The following ASIC2 variants were observed in gnomAD, a reference collection of about 807,000 sequenced individuals.
ASIC2 encodes acid sensing ion channel subunit 2.
Under a neutral mutation model 57.3 loss-of-function variants are expected in ASIC2, and 25 were observed. The observed-to-expected ratio is 0.44, with a 90% CI of 0.32 to 0.61. The LOEUF (loss-of-function observed/expected upper bound fraction) is 0.61. Among genes scored for constraint, ASIC2 ranks in the 20% least tolerant of loss-of-function variants. The pLI is 0.06. For synonymous variants in ASIC2, 319 were observed against 307.5 expected, an observed-to-expected ratio of 1.04 and a Z score of -0.39; for missense variants, 641 against 738.1, an observed-to-expected ratio of 0.87 and a Z score of 1.52.
At chr17:33,918,662 T>C (rs1915641815) in intron 1 of ASIC2, among the ~76,000 whole-genome samples, 1 of 152,208 alleles carries the variant, frequency 6.6e-6, no homozygotes. Flanking sequence ...TGCCCATTAA[T>C]AATTTTCTAG....
chr17:33,540,619 GTCACTCCTGTGAGTTCTTGGAC>G (rs1915378089), intron 1 of ASIC2, among the ~76,000 whole-genome samples: 1 of 152,234 alleles, frequency 6.6e-6, no homozygotes, highest in Admixed American at 6.5e-5. Context: ...GAGTTAGTTA[GTCACTCCTGTGAGTTCTTGGAC>G]TCACTCCTGT....
chr17:33,661,459 CT>C (rs1907263308), intron 1 of ASIC2, among the ~76,000 whole-genome samples: 1 of 152,160 alleles, frequency 6.6e-6, no homozygotes, highest in South Asian at 2.1e-4. Flanking sequence ...ACAGAGCACC[CT>C]GAAGTTGTGT....
chr17:33,478,237 T>G (rs1913292268), intron 1 of ASIC2, among the ~76,000 whole-genome samples: 1 of 152,238 alleles, frequency 6.6e-6, no homozygotes, highest in African/African-American at 2.4e-5. Flanking sequence ...CTGGCCAAAC[T>G]GTGAGAGCTC....
intron 1 of ASIC2, among the ~76,000 whole-genome samples, chr17:33,419,778 A>T (rs1414544153): frequency 6.6e-6 from 1 of 152,228 alleles, no homozygotes; most frequent in African/African-American, 2.4e-5. Context: ...ATAAAATATG[A>T]TTCATCAAAA....
chr17:33,354,131 A>G (rs1908289246), intron 1 of ASIC2, among the ~76,000 whole-genome samples: 2 of 152,192 alleles, frequency 1.3e-5, no homozygotes, highest in Admixed American at 6.5e-5. Flanking sequence ...ACATCATGGA[A>G]AAGACCTGCC....
intron 1 of ASIC2, chr17:33,932,762 AG>A (rs1915972215): frequency 3.0e-5 from 4 of 133,416 alleles, no homozygotes; most frequent in African/African-American, 1.1e-4. Flanking sequence ...ATATATATAT[AG>A]TATGATAAAT....
intron 1 of ASIC2, among the ~76,000 whole-genome samples, chr17:33,750,734 A>T (rs935602757): frequency 6.6e-6 from 1 of 152,162 alleles, no homozygotes. Flanking sequence ...TGATTGGGCT[A>T]GGGACTCAGC....
chr17:34,069,791 C>T (rs543061913), intron 1 of ASIC2: 4 of 152,288 alleles, frequency 2.6e-5, no homozygotes, highest in African/African-American at 9.6e-5. Flanking sequence ...GTTCAGGCAA[C>T]CATTTTGCAG....
rs374248044 is a variant in ASIC2, at chr17:33,737,725, T to C, written c.555+418253A>G. On this transcript the variant is annotated intron_variant, in intron 1 of 9. Coordinates refer to the ASIC2 transcript ENST00000359872. ...CAGCCATCCTTATTGAGTAGATTCC[T>C]GAACTAACAGGAAAGCGTCCACCTG... 3.6e-3 allele frequency among the ~76,000 whole-genome samples: 548 copies of C among 150,348 alleles called. 3 individuals carry two copies. The highest frequency in any genetic ancestry group is 0.013 in the African/African-American group (526 of 41,048).
chr17:33,181,835 G>A (rs555442095), intron 1 of ASIC2, among the ~76,000 whole-genome samples: 2 of 152,242 alleles, frequency 1.3e-5, no homozygotes, highest in African/African-American at 4.8e-5. Context: ...AGAAACAAAC[G>A]AACAAAAACC....
chr17:33,539,927 GAC>G (rs780133844), intron 1 of ASIC2, among the ~76,000 whole-genome samples: 3 of 152,202 alleles, frequency 2.0e-5, no homozygotes, highest in Non-Finnish European at 4.4e-5. Flanking sequence ...AAGGGGCAGG[GAC>G]AGCGGAGTGT....
intron 1 of ASIC2, among the ~76,000 whole-genome samples, chr17:33,422,878 A>T (rs1320192037): frequency 1.3e-5 from 2 of 152,128 alleles, no homozygotes; most frequent in Non-Finnish European, 2.9e-5. Context: ...ATCTCTAGGG[A>T]CAGTGGTAGG....
intron 1 of ASIC2, among the ~76,000 whole-genome samples, chr17:33,376,633 G>C (rs1278264879): frequency 2.0e-5 from 3 of 152,176 alleles, no homozygotes; most frequent in Non-Finnish European, 4.4e-5. Flanking sequence ...TTGGCAAAAA[G>C]AGAAGCTAAA....
At chr17:33,466,330 G>A (rs533302712) in intron 1 of ASIC2, among the ~76,000 whole-genome samples, 6 of 152,230 alleles carry the variant, frequency 3.9e-5, no homozygotes, top group Middle Eastern at 3.4e-3. Flanking sequence ...ACTGCTCAAC[G>A]AAATAAAAAA....
intron 1 of ASIC2, among the ~76,000 whole-genome samples, chr17:33,142,386 G>A (rs1039171202): frequency 1.1e-4 from 16 of 152,174 alleles, no homozygotes; most frequent in Non-Finnish European, 7.3e-5. Flanking sequence ...ATGCAGAGGC[G>A]AATCCACTCT....
intron 3 of ASIC2, among the ~76,000 whole-genome samples, chr17:33,061,166 C>G (rs2092019005): frequency 6.6e-6 from 1 of 152,114 alleles, no homozygotes; most frequent in African/African-American, 2.4e-5. Context: ...TTTATCTTGC[C>G]TGATTGCCCT....
In ASIC2 at chr17:33,891,614, G is replaced by T. The variant is rs541751207; in HGVS notation, c.555+264364C>A. ...GTTAATCCCATAGACACTGAGGTTT[G>T]AGAGTTAACACATTTCATTTTTCCC... On this transcript the variant is annotated intron_variant, in intron 1 of 9. Coordinates refer to the ASIC2 transcript ENST00000359872. Among the ~76,000 whole-genome samples the T allele has an allele frequency of 2.6e-5, 4 of 152,252 alleles. No individual in the cohort carries two copies. The East Asian group carries it at 5.8e-4, about 22-fold the overall frequency.
intron 1 of ASIC2, among the ~76,000 whole-genome samples, chr17:33,240,042 C>T (rs561015215): frequency 2.6e-4 from 40 of 152,324 alleles, no homozygotes; most frequent in African/African-American, 8.2e-4. Flanking sequence ...AAATCTGGCA[C>T]ATAGTAGGTA....
chr17:33,749,734 C>A (rs1362586832), intron 1 of ASIC2, among the ~76,000 whole-genome samples: 3 of 152,178 alleles, frequency 2.0e-5, no homozygotes, highest in African/African-American at 7.2e-5. Flanking sequence ...ACACCCACTT[C>A]ACCGTCAGCC....
Sources: gnomAD v4.1 joint callset for allele counts (sites outside exome capture counted in the v4.1 genomes callset) on GRCh38, gnomAD v4.1.1 for gene constraint, MANE v1.5 for transcripts, NCBI Gene and HGNC (gene_info 2026-07-23, HGNC 2026-07-21) for gene names.